TSEN15: variants seen among roughly 807,000 people sequenced by gnomAD.
TSEN15 encodes tRNA splicing endonuclease subunit 15, also known as tRNA-splicing endonuclease subunit Sen15.
In TSEN15, 10 loss-of-function variants were observed where a neutral mutation model predicts 20.5. The observed-to-expected ratio is 0.49, with a 90% CI of 0.30 to 0.83. The LOEUF (loss-of-function observed/expected upper bound fraction) is 0.83, where lower values mean the gene tolerates loss of function less well. Ranked by LOEUF, TSEN15 falls within the 40% of genes least tolerant of loss-of-function variation. The pLI is 0.06. For synonymous variants in TSEN15, 72 were observed against 80.1 expected, an observed-to-expected ratio of 0.90 and a Z score of 0.54; for missense variants, 180 against 218.6, an observed-to-expected ratio of 0.82 and a Z score of 1.11.
At chr1:184,077,343 G>A (rs145062530), downstream of TSEN15, among the ~76,000 whole-genome samples, 20 of 152,196 alleles carry the variant, frequency 1.3e-4, no homozygotes, top group African/African-American at 3.6e-4. Context: ...TTAAGCCTAC[G>A]ATTGAGACCT....
downstream of TSEN15, chr1:184,074,358 T>G (rs1048133643): frequency 6.6e-6 from 1 of 152,172 alleles, no homozygotes; most frequent in African/African-American, 2.4e-5. Context: ...TCCATGAGGC[T>G]ACAGTCAAGG....
intron 3 of TSEN15, among the ~76,000 whole-genome samples, chr1:184,057,363 G>T (rs1252995591): frequency 6.6e-6 from 1 of 152,076 alleles, no homozygotes; most frequent in Non-Finnish European, 1.5e-5. Context: ...TATTTGGGTG[G>T]CATATAAGTA....
intron 1 of TSEN15, 60 bp from the exon 2 acceptor site, chr1:184,054,294 T>C: frequency 9.0e-7 from 1 of 1,111,734 alleles, no homozygotes; most frequent in Non-Finnish European, 1.3e-6. Context: ...ACTTGATGAT[T>C]GGAAGAAAAT....
At chr1:184,052,257 G>A (rs570242913) in intron 1 of TSEN15, among the ~76,000 whole-genome samples, 4 of 152,130 alleles carry the variant, frequency 2.6e-5, no homozygotes, top group Non-Finnish European at 5.9e-5. Context: ...TGTGGGCGAT[G>A]GATAAGATCT....
At chr1:184,091,369 C>G (rs1406622826) in intron 3 of TSEN15, among the ~76,000 whole-genome samples, 1 of 151,656 alleles carries the variant, frequency 6.6e-6, no homozygotes, top group Non-Finnish European at 1.5e-5. Flanking sequence ...GTCACCAAGG[C>G]TCAGAAATTG....
Position 184,083,597 on chromosome 1 carries a change from G to A in TSEN15, c.354-12093G>A, listed in dbSNP as rs561438939. Among the ~76,000 whole-genome samples, 6 of 152,210 alleles carry A rather than the reference G, an allele frequency of 3.9e-5. No individual in the cohort carries two copies. The South Asian group carries it at 1.2e-3, about 32-fold the overall frequency. On this transcript the variant is annotated intron_variant, in intron 3 of 3. Coordinates refer to the TSEN15 transcript ENST00000643231. ...TACTTCTGTTGATGACCACAGATGGGGATGCTGTGGTTTTGAATATTGGGT... is the reference window on the plus strand; with the variant it reads ...TACTTCTGTTGATGACCACAGATGGAGATGCTGTGGTTTTGAATATTGGGT...
intron 3 of TSEN15, among the ~76,000 whole-genome samples, chr1:184,085,565 G>A (rs542180040): frequency 6.6e-6 from 1 of 152,338 alleles, no homozygotes; most frequent in South Asian, 2.1e-4. Flanking sequence ...TAGTTAGGGT[G>A]ACCAAGAATG....
chr1:184,079,824 G>GTA, intron 3 of TSEN15, among the ~76,000 whole-genome samples: 1 of 152,250 alleles, frequency 6.6e-6, no homozygotes, highest in South Asian at 2.1e-4. Context: ...AGATACTGTG[G>GTA]TAAGTCTAGG....
chr1:184,090,172 C>T (rs1651333137), intron 3 of TSEN15, among the ~76,000 whole-genome samples: 1 of 152,238 alleles, frequency 6.6e-6, no homozygotes, highest in Non-Finnish European at 1.5e-5. Flanking sequence ...TACACCACAA[C>T]ATGGGTGACT....
intron 3 of TSEN15, among the ~76,000 whole-genome samples, chr1:184,066,928 C>T (rs1650686683): frequency 6.6e-6 from 1 of 152,110 alleles, no homozygotes; most frequent in Non-Finnish European, 1.5e-5. Context: ...GTTTAGATCT[C>T]CTATGATTTC....
At chr1:184,070,206 A>G (rs915488561) in intron 3 of TSEN15, among the ~76,000 whole-genome samples, 14 of 152,026 alleles carry the variant, frequency 9.2e-5, no homozygotes, top group African/African-American at 3.1e-4. Flanking sequence ...TATATGGGCT[A>G]CAATTCCCAT....
chr1:184,086,810 A>G (rs956795501), intron 3 of TSEN15, among the ~76,000 whole-genome samples: 22 of 152,180 alleles, frequency 1.4e-4, no homozygotes, highest in African/African-American at 5.3e-4. Flanking sequence ...TTGATGACCT[A>G]ATCCTGGAGC....
At chr1:184,090,322 GT>G (rs997515203) in intron 3 of TSEN15, among the ~76,000 whole-genome samples, 1 of 152,074 alleles carries the variant, frequency 6.6e-6, no homozygotes, top group African/African-American at 2.4e-5. Flanking sequence ...GGGATGGAGG[GT>G]ATGTAACACA....
chr1:184,083,178 A>G (rs6657189), intron 3 of TSEN15, among the ~76,000 whole-genome samples: 3 of 152,034 alleles, frequency 2.0e-5, no homozygotes, highest in Admixed American at 6.6e-5. Context: ...CACCCCATCC[A>G]ATTCCTGCCA....
rs1372168424 is a variant in TSEN15 at position 184,054,397 on chromosome 1, T to C, written c.179T>C (p.Val60Ala). Residue 60 changes from valine (V) to alanine (A), a missense_variant, in exon 2 of 5, where the codon GTT becomes GCT. Around this residue, in one of 3 missense-constraint regions of TSEN15, gnomAD observed 76 missense variants for 123.4 expected, o/e 0.62. Transcript: ENST00000645668. Reference protein sequence around the residue: ...MELDIGDATQVYVAFLVYLDL... With the variant: ...MELDIGDATQAYVAFLVYLDL... ...TTAGATATAGGAGATGCCACCCAAG[T>C]TTATGTAGCGTTCTTGGTTTACCTG... The C allele has an allele frequency of 1.9e-6, 3 of 1,610,254 alleles. No homozygotes were observed. Among genetic ancestry groups the C allele is most frequent in the Non-Finnish European group, 2.5e-6 (3 of 1,176,748 alleles).
At chr1:184,079,476 C>A (rs187763514) in intron 3 of TSEN15, among the ~76,000 whole-genome samples, 82 of 152,214 alleles carry the variant, frequency 5.4e-4, no homozygotes, top group Non-Finnish European at 8.8e-4. Context: ...TGCTAGCAGA[C>A]TTTTAAGGGC....
chr1:184,052,209 AATTT>A (rs947561921), intron 1 of TSEN15, among the ~76,000 whole-genome samples: 1 of 152,196 alleles, frequency 6.6e-6, no homozygotes, highest in African/African-American at 2.4e-5. Context: ...TTGGGGGATA[AATTT>A]ATTTAATCCT....
chr1:184,077,370 G>C (rs772065724), downstream of TSEN15, among the ~76,000 whole-genome samples: 1 of 152,102 alleles, frequency 6.6e-6, no homozygotes, highest in African/African-American at 2.4e-5. Context: ...CAGAAAAAAA[G>C]ATTTCTTTCA....
intron 3 of TSEN15, among the ~76,000 whole-genome samples, chr1:184,081,789 A>G (rs1161146677): frequency 6.6e-6 from 1 of 152,162 alleles, no homozygotes; most frequent in Non-Finnish European, 1.5e-5. Context: ...CAGGCCACCT[A>G]GAGGACTTTT....
Sources: allele counts gnomAD v4.1 joint callset (sites outside exome capture counted in the v4.1 genomes callset), GRCh38; gene constraint gnomAD v4.1.1; regional missense constraint gnomAD v4.1.1; transcripts MANE v1.5; gene names NCBI Gene and HGNC (gene_info 2026-07-23, HGNC 2026-07-21).